The following KIAA1217 variants were observed in gnomAD, a reference collection of about 807,000 sequenced individuals.
The protein encoded by KIAA1217 is KIAA1217, also known as sickle tail protein homolog.
Under a neutral mutation model 163.9 loss-of-function variants are expected in KIAA1217, and 88 were observed. The observed-to-expected ratio is 0.54, with a 90% confidence interval of 0.45 to 0.64. The LOEUF (loss-of-function observed/expected upper bound fraction) is 0.64. Among genes scored for constraint, KIAA1217 ranks in the 30% least tolerant of loss-of-function variants. KIAA1217 has a pLI of 0.00. For synonymous variants in KIAA1217, 903 were observed against 923.1 expected (o/e 0.98, Z 0.39); for missense variants, 2,372 against 2,475.0 (o/e 0.96, Z 0.88).
At chr10:24,054,983 G>A (rs1233770357) in intron 2 of KIAA1217, among the ~76,000 whole-genome samples, 2 of 152,118 alleles carry the variant, frequency 1.3e-5, no homozygotes, top group African/African-American at 4.8e-5. Context: ...AATTTTCTTA[G>A]ACGCTGGGCA....
intron 2 of KIAA1217, among the ~76,000 whole-genome samples, chr10:24,078,927 C>T (rs1206631506): frequency 4.6e-5 from 7 of 152,192 alleles, no homozygotes; most frequent in Non-Finnish European, 8.8e-5. Flanking sequence ...AAGGATCCCT[C>T]GTTAAAACAC....
intron 9 of KIAA1217, 92 bp downstream of exon 9, chr10:24,501,637 T>A (rs2067600296): frequency 3.4e-6 from 4 of 1,175,224 alleles, no homozygotes; most frequent in Non-Finnish European, 4.8e-6. Flanking sequence ...CTAGAGAATG[T>A]AGAACCATAG....
intron 1 of KIAA1217, among the ~76,000 whole-genome samples, chr10:23,835,554 A>G (rs989409554): frequency 3.3e-5 from 5 of 152,056 alleles, no homozygotes; most frequent in African/African-American, 1.2e-4. Flanking sequence ...AAGTCTGGCT[A>G]TGTTGTTTTT....
chr10:23,875,011 G>A (rs376720360), intron 1 of KIAA1217, among the ~76,000 whole-genome samples: 20 of 151,962 alleles, frequency 1.3e-4, no homozygotes, highest in Admixed American at 5.9e-4. Context: ...GCAAGAGCAG[G>A]AGCAAGAGAA....
chr10:24,246,507 T>C (rs2131396051), intron 2 of KIAA1217, among the ~76,000 whole-genome samples: 1 of 152,320 alleles, frequency 6.6e-6, no homozygotes, highest in African/African-American at 2.4e-5. Context: ...GGGGATATTA[T>C]GGTACGTTCA....
intron 2 of KIAA1217, among the ~76,000 whole-genome samples, chr10:24,069,630 C>T (rs2131624660): frequency 6.6e-6 from 1 of 152,262 alleles, no homozygotes; most frequent in Non-Finnish European, 1.5e-5. Context: ...CTCCAATTTT[C>T]CCACCAGTTT....
chr10:24,163,509 T>C (rs2065211808), intron 2 of KIAA1217, among the ~76,000 whole-genome samples: 1 of 152,206 alleles, frequency 6.6e-6, no homozygotes, highest in African/African-American at 2.4e-5. Context: ...GAGTTTCCCT[T>C]GTTTTAAAGT....
chr10:24,414,748 G>T (rs2058087955), intron 3 of KIAA1217, among the ~76,000 whole-genome samples: 1 of 152,142 alleles, frequency 6.6e-6, no homozygotes, highest in South Asian at 2.1e-4. Context: ...GTTCAAATGG[G>T]GCCCTGCATG....
chr10:24,113,800 G>T (rs182274320), intron 2 of KIAA1217, among the ~76,000 whole-genome samples: 4 of 152,294 alleles, frequency 2.6e-5, no homozygotes, highest in East Asian at 3.9e-4. Flanking sequence ...ACATTGCTTC[G>T]CTCTCTTCAG....
intron 2 of KIAA1217, among the ~76,000 whole-genome samples, chr10:24,366,360 G>A (rs375700504): frequency 1.5e-4 from 23 of 152,218 alleles, no homozygotes; most frequent in South Asian, 1.2e-3. Flanking sequence ...CAGGAGAATC[G>A]CTTTAACTCG....
intron 2 of KIAA1217, among the ~76,000 whole-genome samples, chr10:24,059,571 T>TTTTG (rs977298462): frequency 1.2e-4 from 18 of 151,986 alleles, no homozygotes; most frequent in African/African-American, 2.7e-4. Context: ...TATGCCAGTT[T>TTTTG]TTTGTTTGTT....
intron 3 of KIAA1217, among the ~76,000 whole-genome samples, chr10:24,384,315 T>C (rs1239590876): frequency 6.6e-6 from 1 of 152,178 alleles, no homozygotes; most frequent in Non-Finnish European, 1.5e-5. Context: ...TTAGGAGCAA[T>C]TTTTTAGGTT....
intron 3 of KIAA1217, among the ~76,000 whole-genome samples, chr10:24,426,516 C>T (rs773386658): frequency 1.3e-5 from 2 of 152,052 alleles, no homozygotes; most frequent in Non-Finnish European, 2.9e-5. Context: ...CCCAGCTACT[C>T]AGGAGGCTGA....
At chr10:23,878,034 C>A (rs942801210) in intron 1 of KIAA1217, among the ~76,000 whole-genome samples, 1 of 151,834 alleles carries the variant, frequency 6.6e-6, no homozygotes, top group Non-Finnish European at 1.5e-5. Context: ...AACACAGATG[C>A]GTATTGTCAC....
intron 2 of KIAA1217, among the ~76,000 whole-genome samples, chr10:24,235,788 T>C (rs1030259391): frequency 6.6e-6 from 1 of 152,190 alleles, no homozygotes; most frequent in African/African-American, 2.4e-5. Context: ...GTTAACTCCG[T>C]ATCTCGGAGG....
chr10:24,209,173 C>A lies in KIAA1217; in HGVS notation c.-21C>A. On this transcript the variant is annotated 5_prime_UTR_variant, in exon 1 of 21. Coordinates refer to ENST00000376454, the MANE Select transcript of KIAA1217 (RefSeq NM_019590.5). ...TCTGAAGTTTCCAGAGAGCGAGGAGCTTTTGCGGCAGGCAGAGACAATGGA... is the reference window on the plus strand; with the variant it reads ...TCTGAAGTTTCCAGAGAGCGAGGAGATTTTGCGGCAGGCAGAGACAATGGA... 6.2e-7 allele frequency: 1 copy of A among 1,612,578 alleles called. No individual in the cohort carries two copies. Among genetic ancestry groups the A allele is most frequent in the Non-Finnish European group, 8.5e-7 (1 of 1,178,818 alleles).
chr10:24,516,573 GGAAGACACTGAGT>G (rs1183552727), intron 10 of KIAA1217, among the ~76,000 whole-genome samples: 1 of 152,254 alleles, frequency 6.6e-6, no homozygotes, highest in Non-Finnish European at 1.5e-5. Context: ...AGAATGATGA[GGAAGACACTGAGT>G]GTTTGGGTTT....
rs2060970667 is a variant in KIAA1217 at position 24,066,848 on chromosome 10, A to C, written c.-171+59474A>C. 3.3e-5 allele frequency among the ~76,000 whole-genome samples: 5 copies of C among 151,882 alleles called. No individual in the cohort carries two copies. In the South Asian group the frequency reaches 1.0e-3, roughly 31 times the overall value. ...TTGGAGGCTTTGTTCATTTCTTTTT[A>C]TTCTTTTTTCTCTAAACTTCTCTTC... On this transcript the variant is annotated intron_variant, in intron 2 of 18. Transcript: ENST00000376462.
At chr10:23,973,696 T>A (rs1845417432) in intron 1 of KIAA1217, among the ~76,000 whole-genome samples, 1 of 152,214 alleles carries the variant, frequency 6.6e-6, no homozygotes, top group African/African-American at 2.4e-5. Context: ...TTATTCCTTA[T>A]CACCGGGAAT....
Sources: gnomAD v4.1 joint callset for allele counts (sites outside exome capture counted in the v4.1 genomes callset) on GRCh38, gnomAD v4.1.1 for gene constraint, MANE v1.5 for transcripts, NCBI Gene and HGNC (gene_info 2026-07-23, HGNC 2026-07-21) for gene names.